The following GET1 variants were observed in gnomAD, a reference collection of about 807,000 sequenced individuals.
The protein encoded by GET1 is guided entry of tail-anchored proteins factor 1, also known as congenital heart disease 5 protein.
A neutral mutation model predicts 22.6 loss-of-function variants in GET1; 20 were observed. The observed-to-expected ratio is 0.89, with a 90% confidence interval of 0.62 to 1.29. The LOEUF (loss-of-function observed/expected upper bound fraction) is 1.29, where lower values mean the gene tolerates loss of function less well. Ranked by LOEUF, GET1 falls within the 50% of genes most tolerant of loss-of-function variation. The pLI, the probability that GET1 is intolerant of heterozygous loss-of-function variation, is 0.00. For missense variants in GET1, 209 were observed against 219.9 expected (o/e 0.95, Z 0.31); for synonymous variants, 92 against 83.8 (o/e 1.10, Z -0.53).
chr21:39,406,655 T>C (rs369539850), downstream of GET1: 32 of 1,435,868 alleles, frequency 2.2e-5, no homozygotes, highest in Non-Finnish European at 2.8e-5. Flanking sequence ...TTAAAATGAA[T>C]GGATCTCTAT....
At chr21:39,411,001 T>C, downstream of GET1, 1 of 461,366 alleles carries the variant, frequency 2.2e-6, no homozygotes, top group Non-Finnish European at 4.5e-6. Context: ...GGGAAAGCAG[T>C]GCACGTGCTC....
At chr21:39,409,905 G>T, downstream of GET1, 1 of 866,708 alleles carries the variant, frequency 1.2e-6, no homozygotes, top group Non-Finnish European at 1.8e-6. The surrounding 1 kb of genome is among the most constrained non-coding windows in gnomAD (Gnocchi z 4.2). Flanking sequence ...TTTTATGTGT[G>T]CTTTATATAC....
intron 1 of GET1, among the ~76,000 whole-genome samples, chr21:39,384,166 T>A (rs559681983): frequency 3.3e-5 from 5 of 152,262 alleles, no homozygotes; most frequent in African/African-American, 1.2e-4. Flanking sequence ...CATCTGTTTA[T>A]CTTTGGAGAC....
At chr21:39,424,720 ATC>A (rs1262030441) in intron 1 of GET1, among the ~76,000 whole-genome samples, 3 of 152,214 alleles carry the variant, frequency 2.0e-5, no homozygotes, top group Non-Finnish European at 4.4e-5. Context: ...CCGATTTTCC[ATC>A]TCTCAATAAA....
intron 1 of GET1, among the ~76,000 whole-genome samples, chr21:39,388,719 A>G (rs1035689838): frequency 6.6e-6 from 1 of 152,090 alleles, no homozygotes; most frequent in Non-Finnish European, 1.5e-5. Context: ...CAGTCCTTGG[A>G]CTAGGCCTTC....
At chr21:39,384,726 C>G (rs748926951) in intron 1 of GET1, among the ~76,000 whole-genome samples, 2 of 152,044 alleles carry the variant, frequency 1.3e-5, no homozygotes, top group African/African-American at 4.8e-5. Context: ...CCTCCCACCC[C>G]CTATCCTCCA....
downstream of GET1, among the ~76,000 whole-genome samples, chr21:39,400,357 TTGTG>T (rs1170476697): frequency 6.6e-6 from 1 of 152,198 alleles, no homozygotes; most frequent in African/African-American, 2.4e-5. Flanking sequence ...GATCCTTGTT[TTGTG>T]TGTGATAAAA....
downstream of GET1, among the ~76,000 whole-genome samples, chr21:39,399,228 A>T (rs1172786877): frequency 6.6e-6 from 1 of 152,224 alleles, no homozygotes; most frequent in Non-Finnish European, 1.5e-5. Flanking sequence ...CTTTTAAGAC[A>T]TGTTTTAAAG....
Position 39,414,705 on chromosome 21 carries a change from GT to G in GET1, c.*23+3770del, listed in dbSNP as rs539462451. Reference sequence around the variant, plus strand: ...TAAAAGGCAGTACTGCATCTGTCTGGTTCTCTCCCTCTCTCTCTCTCTCTCT... The same window carrying G: ...TAAAAGGCAGTACTGCATCTGTCTGGTCTCTCCCTCTCTCTCTCTCTCTCT... On this transcript the variant is annotated intron_variant, in intron 1 of 1. Transcript: ENST00000478273. Among the ~76,000 whole-genome samples, 12 of 115,192 alleles carry G rather than the reference GT, an allele frequency of 1.0e-4. No individual in the cohort carries two copies. The East Asian group carries it at 3.2e-3, about 31-fold the overall frequency. 75.6% of individuals were successfully genotyped at this position (115,192 alleles called of 152,430 possible).
At chr21:39,414,067 G>C (rs2040591635) in intron 1 of GET1, 1 of 152,284 alleles carries the variant, frequency 6.6e-6, no homozygotes, top group African/African-American at 2.4e-5. Flanking sequence ...CACAACCCGG[G>C]ATACTTGTGT....
intron 1 of GET1, among the ~76,000 whole-genome samples, chr21:39,427,438 G>A (rs918027412): frequency 6.6e-5 from 10 of 151,946 alleles, no homozygotes; most frequent in African/African-American, 1.7e-4. Context: ...CGAGGCAGGC[G>A]GATCACGAGG....
At chr21:39,398,303 G>A (rs1047883188), downstream of GET1, among the ~76,000 whole-genome samples, 6 of 152,124 alleles carry the variant, frequency 3.9e-5, no homozygotes, top group Non-Finnish European at 8.8e-5. Flanking sequence ...CCTAACTCCC[G>A]TTTTAGTAAG....
At chr21:39,418,098 C>G (rs2041613829) in intron 1 of GET1, among the ~76,000 whole-genome samples, 2 of 152,138 alleles carry the variant, frequency 1.3e-5, no homozygotes, top group Admixed American at 1.3e-4. Context: ...CATCAGATCT[C>G]ATGAGACTTA....
chr21:39,385,616 C>T (rs929597905), intron 1 of GET1, among the ~76,000 whole-genome samples: 1 of 152,230 alleles, frequency 6.6e-6, no homozygotes, highest in Non-Finnish European at 1.5e-5. Flanking sequence ...TGCAGCTCTG[C>T]GGGTGCAGGG....
chr21:39,428,127 A>C, intron 1 of GET1: 1 of 1,127,466 alleles, frequency 8.9e-7, no homozygotes, highest in Non-Finnish European at 1.3e-6. Flanking sequence ...AAATAACATC[A>C]TTATGACAGA....
chr21:39,405,646 T>C (rs1170811163), intron 4 of GET1, among the ~76,000 whole-genome samples: 1 of 152,220 alleles, frequency 6.6e-6, no homozygotes, highest in African/African-American at 2.4e-5. Flanking sequence ...TTCCAGAAGA[T>C]AATGGATGTT....
chr21:39,389,091 C>A (rs1401031896), intron 1 of GET1, among the ~76,000 whole-genome samples: 1 of 152,052 alleles, frequency 6.6e-6, no homozygotes, highest in East Asian at 1.9e-4. Flanking sequence ...TCCCTCCCTT[C>A]CTCCCTTCTT....
At chr21:39,388,312 G>T (rs187996828) in intron 1 of GET1, among the ~76,000 whole-genome samples, 5 of 152,286 alleles carry the variant, frequency 3.3e-5, no homozygotes, top group African/African-American at 1.2e-4. Flanking sequence ...AGGTTGCAGT[G>T]AGCCGAGATC....
chr21:39,410,521 T>G (rs2039905025), downstream of GET1, among the ~76,000 whole-genome samples: 1 of 152,240 alleles, frequency 6.6e-6, no homozygotes, highest in Non-Finnish European at 1.5e-5. Flanking sequence ...GTTAGTTTCC[T>G]GTTTTTCCCT....
Sources: gnomAD v4.1 joint callset for allele counts (sites outside exome capture counted in the v4.1 genomes callset) on GRCh38, gnomAD v4.1.1 for gene constraint, Gnocchi (gnomAD v3.1) non-coding constraint, MANE v1.5 for transcripts, NCBI Gene and HGNC (gene_info 2026-07-23, HGNC 2026-07-21) for gene names.